NRXN3: variants seen among roughly 807,000 people sequenced by gnomAD.
The protein encoded by NRXN3 is neurexin 3.
In NRXN3, 32 loss-of-function variants were observed where a neutral mutation model predicts 137.6. The observed-to-expected ratio is 0.23, with a 90% CI of 0.18 to 0.31. NRXN3 has a LOEUF of 0.31. NRXN3 is among the 10% of genes least tolerant of loss of function. The pLI is 1.00. For missense variants in NRXN3, 1,574 were observed against 2,062.5 expected, an observed-to-expected ratio of 0.76 and a Z score of 4.59; for synonymous variants, 798 against 784.5, an observed-to-expected ratio of 1.02 and a Z score of -0.29.
At chr14:78,764,008 C>T (rs2098700908) in intron 8 of NRXN3, among the ~76,000 whole-genome samples, 1 of 152,204 alleles carries the variant, frequency 6.6e-6, no homozygotes, top group African/African-American at 2.4e-5. Context: ...TCCTCAGGAT[C>T]ATTCCTTGGG....
intron 3 of NRXN3, among the ~76,000 whole-genome samples, chr14:78,294,914 C>T (rs974660813): frequency 6.6e-6 from 1 of 152,178 alleles, no homozygotes; most frequent in Non-Finnish European, 1.5e-5. Context: ...TCCCCACTAC[C>T]TTATTCAGTC....
intron 19 of NRXN3, among the ~76,000 whole-genome samples, chr14:79,777,243 A>C (rs2099099840): frequency 6.6e-6 from 1 of 152,212 alleles, no homozygotes; most frequent in Non-Finnish European, 1.5e-5. Context: ...AAGCACATGT[A>C]CTGTAAGGCA....
At chr14:79,778,289 G>A (rs565679650) in intron 19 of NRXN3, among the ~76,000 whole-genome samples, 68 of 152,218 alleles carry the variant, frequency 4.5e-4, no homozygotes, top group African/African-American at 1.4e-3. Context: ...GGTGGTGCGC[G>A]CCTGTAATCC....
intron 15 of NRXN3, among the ~76,000 whole-genome samples, chr14:79,007,031 TA>T (rs2152372242): frequency 6.6e-6 from 1 of 152,336 alleles, no homozygotes; most frequent in South Asian, 2.1e-4. Context: ...ATTTCTTTTT[TA>T]AAAGGACATG....
chr14:78,431,018 A>G (rs58059538), intron 4 of NRXN3, among the ~76,000 whole-genome samples: 28,519 of 152,030 alleles, frequency 0.19, 4,832 homozygotes, highest in African/African-American at 0.45. Context: ...ATTCTTAAAA[A>G]ATTTTTCTAT....
At chr14:79,700,400 T>C (rs2098750513) in intron 19 of NRXN3, among the ~76,000 whole-genome samples, 1 of 152,102 alleles carries the variant, frequency 6.6e-6, no homozygotes, top group African/African-American at 2.4e-5. Flanking sequence ...TGTGAAATCA[T>C]ACATAGAACA....
At chr14:79,651,371 G>T (rs1280800091) in intron 16 of NRXN3, among the ~76,000 whole-genome samples, 1 of 152,154 alleles carries the variant, frequency 6.6e-6, no homozygotes, top group Non-Finnish European at 1.5e-5. Flanking sequence ...AATGAACCAT[G>T]GATGGAGATA....
At chr14:79,663,150 G>A (rs907339395) in intron 16 of NRXN3, among the ~76,000 whole-genome samples, 1 of 152,044 alleles carries the variant, frequency 6.6e-6, no homozygotes, top group African/African-American at 2.4e-5. Context: ...ATCTAATCAT[G>A]AAAATTCTAG....
At chr14:78,809,160 T>C (rs1285466462) in intron 9 of NRXN3, among the ~76,000 whole-genome samples, 4 of 152,058 alleles carry the variant, frequency 2.6e-5, no homozygotes, top group Admixed American at 6.6e-5. Context: ...TGTCCATGAC[T>C]CCCAAGCAGA....
intron 16 of NRXN3, among the ~76,000 whole-genome samples, chr14:79,549,625 C>T (rs2097354452): frequency 6.6e-6 from 1 of 152,108 alleles, no homozygotes; most frequent in African/African-American, 2.4e-5. Flanking sequence ...TGAGCAGGGG[C>T]AGCCTAGCCT....
intron 15 of NRXN3, among the ~76,000 whole-genome samples, chr14:79,124,531 C>A (rs1466371321): frequency 2.0e-5 from 3 of 152,180 alleles, no homozygotes; most frequent in Non-Finnish European, 4.4e-5. Context: ...ACTCTCCCAG[C>A]ACAATCGGTG....
At chr14:79,509,609 A>G (rs1049393807) in intron 16 of NRXN3, among the ~76,000 whole-genome samples, 1 of 151,552 alleles carries the variant, frequency 6.6e-6, no homozygotes, top group African/African-American at 2.4e-5. Context: ...GTATATATGT[A>G]TATATGAAAA....
At chr14:79,848,741 G>GC (rs2099385714) in intron 20 of NRXN3, among the ~76,000 whole-genome samples, 1 of 152,000 alleles carries the variant, frequency 6.6e-6, no homozygotes, top group South Asian at 2.1e-4. Flanking sequence ...CTCTTAGCTG[G>GC]CCCCAGATAT....
chr14:79,685,878 G>A (rs1053830926), intron 17 of NRXN3, among the ~76,000 whole-genome samples: 4 of 152,188 alleles, frequency 2.6e-5, no homozygotes, highest in Admixed American at 2.0e-4. Context: ...CACAAAACAT[G>A]TATGTTCAAC....
At chr14:79,613,847 G>A (rs989490402) in intron 16 of NRXN3, among the ~76,000 whole-genome samples, 20 of 152,192 alleles carry the variant, frequency 1.3e-4, no homozygotes, top group South Asian at 1.0e-3. Context: ...ACTAAACCAC[G>A]GCTGAAATAT....
intron 15 of NRXN3, among the ~76,000 whole-genome samples, chr14:79,359,798 G>A (rs1269776168): frequency 6.6e-6 from 1 of 151,916 alleles, no homozygotes; most frequent in Non-Finnish European, 1.5e-5. Context: ...AACTCTGTAG[G>A]GAATCACCCT....
At chr14:78,515,361 A>G (rs901965670) in intron 4 of NRXN3, among the ~76,000 whole-genome samples, 5 of 152,076 alleles carry the variant, frequency 3.3e-5, no homozygotes, top group South Asian at 2.1e-4. Context: ...TGTGCCAACT[A>G]TGGTGGGAGT....
At chr14:78,312,726 G>A (rs1373322783) in intron 4 of NRXN3, among the ~76,000 whole-genome samples, 5 of 152,102 alleles carry the variant, frequency 3.3e-5, no homozygotes, top group Non-Finnish European at 7.3e-5. Flanking sequence ...AGCCTTGGGG[G>A]ATGTTGATGG....
At chr14:78,986,804 C>T (rs542952669) in intron 14 of NRXN3, among the ~76,000 whole-genome samples, 77 of 151,946 alleles carry the variant, frequency 5.1e-4, no homozygotes, top group African/African-American at 1.8e-3. Context: ...GGGCAGATCA[C>T]GAGGTCAGGA....
Sources: gnomAD v4.1 joint callset for allele counts (sites outside exome capture counted in the v4.1 genomes callset) on GRCh38, gnomAD v4.1.1 for gene constraint, MANE v1.5 for transcripts, NCBI Gene and HGNC (gene_info 2026-07-23, HGNC 2026-07-21) for gene names.